Variants in PRICKLE1 observed in about 807,000 individuals in gnomAD.
PRICKLE1 encodes the protein prickle-like protein 1.
In PRICKLE1, 14 loss-of-function variants were observed where a neutral mutation model predicts 70.2. The ratio of observed to expected loss-of-function variants is 0.20; its 90% CI spans 0.13 to 0.31. PRICKLE1 has a LOEUF of 0.31. Among genes scored for constraint, PRICKLE1 ranks in the 10% least tolerant of loss-of-function variants. The probability of loss-of-function intolerance (pLI) is 1.00; values close to 1 mark genes in which losing one functional copy is unlikely to be tolerated. For synonymous variants in PRICKLE1, 357 were observed against 379.9 expected, an observed-to-expected ratio of 0.94 and a Z score of 0.70; for missense variants, 821 against 1,026.2, an observed-to-expected ratio of 0.80 and a Z score of 2.73.
intron 1 of PRICKLE1, among the ~76,000 whole-genome samples, chr12:42,550,684 A>G (rs553201010): frequency 6.6e-6 from 1 of 152,318 alleles, no homozygotes; most frequent in African/African-American, 2.4e-5. Flanking sequence ...TCCTCTTCCT[A>G]CTACAAAACA....
chr12:42,493,057 T>G (rs1362752341), intron 1 of PRICKLE1, among the ~76,000 whole-genome samples: 2 of 152,214 alleles, frequency 1.3e-5, no homozygotes, highest in Non-Finnish European at 2.9e-5. Flanking sequence ...AAATTTTTAT[T>G]TGGATTTTTA....
chr12:42,469,129 C>T (rs1938218756), intron 4 of PRICKLE1, among the ~76,000 whole-genome samples: 2 of 152,136 alleles, frequency 1.3e-5, no homozygotes, highest in Non-Finnish European at 2.9e-5. Context: ...CAGCAAAGAT[C>T]TGAATGTCTT....
Position 42,464,145 on chromosome 12 carries a change from C to T in PRICKLE1, c.1639+250G>A, listed in dbSNP as rs1223681126. 6.6e-6 allele frequency among the ~76,000 whole-genome samples: 1 copy of T among 152,076 alleles called. No individual in the cohort carries two copies. The highest frequency in any genetic ancestry group is 2.1e-4 in the South Asian group (1 of 4,820). On this transcript the variant is annotated intron_variant, in intron 7 of 7. Coordinates refer to ENST00000345127, the MANE Select transcript of PRICKLE1 (RefSeq NM_153026.3). The surrounding 1 kb of genome is among the most constrained non-coding windows in gnomAD (Gnocchi z 4.2). Reference sequence around the variant, plus strand: ...CTGGGTTCAAGCAATTCTCTTGCCTCAGCCTCCCGAGTAGCTGGGATCACA... The same window carrying T: ...CTGGGTTCAAGCAATTCTCTTGCCTTAGCCTCCCGAGTAGCTGGGATCACA...
In PRICKLE1 at chr12:42,554,430, T is replaced by C. The variant is rs1191513346; in HGVS notation, c.-49+35035A>G. On this transcript the variant is annotated intron_variant, in intron 1 of 7. Coordinates refer to ENST00000345127, the MANE Select transcript of PRICKLE1 (RefSeq NM_153026.3). ...CGTATACAAATGACCAAAATGGTAG[T>C]TGGAGAAAAATTCTATTTCCAAGAA... Among the ~76,000 whole-genome samples, 64 of 152,226 alleles carry C rather than the reference T, an allele frequency of 4.2e-4. 2 individuals carry two copies. Among genetic ancestry groups the C allele is most frequent in the Admixed American group, 4.2e-3 (64 of 15,276 alleles).
intron 1 of PRICKLE1, among the ~76,000 whole-genome samples, chr12:42,555,950 G>A (rs997781002): frequency 4.6e-5 from 7 of 152,070 alleles, no homozygotes; most frequent in Non-Finnish European, 1.0e-4. Flanking sequence ...CACCAAATTT[G>A]ATTTTCTTTA....
intron 1 of PRICKLE1, among the ~76,000 whole-genome samples, chr12:42,582,589 C>T (rs962809782): frequency 3.9e-5 from 6 of 152,194 alleles, no homozygotes; most frequent in South Asian, 2.1e-4. Context: ...CATTATAACA[C>T]ATATTTCAAC....
At chr12:42,581,352 C>CT (rs762339549) in intron 1 of PRICKLE1, among the ~76,000 whole-genome samples, 10 of 151,990 alleles carry the variant, frequency 6.6e-5, no homozygotes, top group Non-Finnish European at 1.5e-4. Flanking sequence ...AAAAAACTGG[C>CT]TTTTTCTGTA....
Position 42,465,120 on chromosome 12 carries a change from G to A in PRICKLE1, c.914C>T (p.Thr305Met), listed in dbSNP as rs375459191. The change falls in exon 7 of 8, where the codon ACG becomes ATG. Residue 305 changes from threonine to methionine, a missense_variant. By Grantham distance (81) the Thr-to-Met change is moderately conservative (BLOSUM62 -1). Transcript: ENST00000345127. ...PKQGQIYCSKTCSLGEDVHAS... is the reference protein window; with the variant it reads ...PKQGQIYCSKMCSLGEDVHAS... ...ATGGACGTCTTCACCAAGACTGCAC[G>A]TTTTTGAGCAGTAAATCTGACCCTG... 55 of 1,571,458 alleles carry A rather than the reference G, an allele frequency of 3.5e-5. No homozygotes were observed. The highest frequency in any genetic ancestry group is 4.4e-5 in the Non-Finnish European group (51 of 1,163,436).
intron 1 of PRICKLE1, among the ~76,000 whole-genome samples, chr12:42,515,457 C>T (rs941520032): frequency 6.6e-6 from 1 of 152,018 alleles, no homozygotes; most frequent in Non-Finnish European, 1.5e-5. Flanking sequence ...AGGCTGGTCT[C>T]GAACTCCTGA....
intron 1 of PRICKLE1, among the ~76,000 whole-genome samples, chr12:42,562,929 C>T (rs1005126953): frequency 6.6e-6 from 1 of 152,098 alleles, no homozygotes; most frequent in African/African-American, 2.4e-5. Context: ...GTGGCTCACA[C>T]CTGTAATCTC....
At chr12:42,472,621 C>T in intron 1 of PRICKLE1, 57 bp from the exon 2 acceptor site, 2 of 1,426,610 alleles carry the variant, frequency 1.4e-6, no homozygotes, top group Non-Finnish European at 2.0e-6. Context: ...ATTTCTCTTA[C>T]CCCCGACCCA....
chr12:42,583,094 G>A (rs2120805342), intron 1 of PRICKLE1, among the ~76,000 whole-genome samples: 1 of 151,960 alleles, frequency 6.6e-6, no homozygotes, highest in Admixed American at 6.5e-5. Flanking sequence ...AATTACAAAT[G>A]CCCTTGGTGA....
At chr12:42,465,599 G>T (rs1566081617) in intron 6 of PRICKLE1, 2 of 320,888 alleles carry the variant, frequency 6.2e-6, no homozygotes, top group Non-Finnish European at 1.1e-5. Flanking sequence ...CCTATTTCTG[G>T]TCTATCTACT....
chr12:42,564,269 A>AAAAAAAAAAG lies in PRICKLE1; in HGVS notation c.-49+25195_-49+25196insCTTTTTTTTT, dbSNP rs71084673. Among the ~76,000 whole-genome samples, 12 of 125,012 alleles carry AAAAAAAAAAG rather than the reference A, an allele frequency of 9.6e-5. 3 individuals are homozygous for AAAAAAAAAAG. Among genetic ancestry groups the AAAAAAAAAAG allele is most frequent in the African/African-American group, 1.5e-4 (5 of 32,990 alleles). 82.0% of individuals were successfully genotyped at this position (125,012 alleles called of 152,430 possible). On this transcript the variant is annotated intron_variant, in intron 1 of 7. Coordinates refer to ENST00000345127, the MANE Select transcript of PRICKLE1 (RefSeq NM_153026.3). ...GACTCTGTCTAAAAAAAAAAAAAAAAAAAGAAAAGAAAAAAGAAAAAGGTC... is the reference window on the plus strand; with the variant it reads ...GACTCTGTCTAAAAAAAAAAAAAAAAAAAAAAAAAGAAAGAAAAGAAAAAAGAAAAAGGTC...
In PRICKLE1 at chr12:42,579,418, G is replaced by T. The variant is rs550054103; in HGVS notation, c.-49+10047C>A. ...GAAAGTCAAATCTGCAAATATTAAGGCTTTATACAATACTCTGAACCAGCT... is the reference window on the plus strand; with the variant it reads ...GAAAGTCAAATCTGCAAATATTAAGTCTTTATACAATACTCTGAACCAGCT... On this transcript the variant is annotated intron_variant, in intron 1 of 7. Transcript: ENST00000345127. Among the ~76,000 whole-genome samples, 30 of 152,220 alleles carry T rather than the reference G, an allele frequency of 2.0e-4. 1 individual carries two copies. Among genetic ancestry groups the T allele is most frequent in the Admixed American group, 1.4e-3 (22 of 15,286 alleles).
At chr12:42,466,162 T>A (rs750998666) in intron 6 of PRICKLE1, 32 bp downstream of exon 6, 5 of 1,612,058 alleles carry the variant, frequency 3.1e-6, no homozygotes. Flanking sequence ...AATGGCTAGG[T>A]GACAGGGCAG....
At chr12:42,564,294 C>A (rs1457276343) in intron 1 of PRICKLE1, among the ~76,000 whole-genome samples, 3 of 145,406 alleles carry the variant, frequency 2.1e-5, no homozygotes, top group East Asian at 2.1e-4. Flanking sequence ...AGAAAAAGGT[C>A]TCTTTCCAAA....
chr12:42,481,643 C>T (rs1423936639), intron 1 of PRICKLE1, among the ~76,000 whole-genome samples: 1 of 152,240 alleles, frequency 6.6e-6, no homozygotes, highest in Non-Finnish European at 1.5e-5. Flanking sequence ...TCAAAAGCTA[C>T]TCCAATTCTC....
At chr12:42,499,076 A>G (rs1939259241) in intron 1 of PRICKLE1, among the ~76,000 whole-genome samples, 1 of 152,224 alleles carries the variant, frequency 6.6e-6, no homozygotes, top group African/African-American at 2.4e-5. Context: ...TAAGAACACA[A>G]TAGTGCCAAA....
Sources: allele counts gnomAD v4.1 joint callset (sites outside exome capture counted in the v4.1 genomes callset), GRCh38; gene constraint gnomAD v4.1.1; non-coding constraint Gnocchi (gnomAD v3.1); transcripts MANE v1.5; gene names NCBI Gene and HGNC (gene_info 2026-07-23, HGNC 2026-07-21).